Variants in KLHL1 observed in about 807,000 individuals in gnomAD.
KLHL1 encodes kelch like family member 1, also known as kelch-like protein 1.
A neutral mutation model predicts 77.7 loss-of-function variants in KLHL1; 47 were observed. That is an observed-to-expected ratio of 0.60 (90% CI 0.48 to 0.77). The LOEUF (loss-of-function observed/expected upper bound fraction) is 0.77, where lower values mean the gene tolerates loss of function less well. Among genes scored for constraint, KLHL1 ranks in the 30% least tolerant of loss-of-function variants. KLHL1 has a pLI of 0.00. For synonymous variants in KLHL1, 360 were observed against 325.2 expected (o/e 1.11, Z -1.15); for missense variants, 925 against 910.8 (o/e 1.02, Z -0.20).
At chr13:69,747,698 A>G (rs1287076783) in intron 7 of KLHL1, among the ~76,000 whole-genome samples, 2 of 151,994 alleles carry the variant, frequency 1.3e-5, no homozygotes, top group South Asian at 2.1e-4. Flanking sequence ...CATCTTTAGG[A>G]GAAAGTTTTA....
chr13:69,885,510 T>G (rs1156934671), intron 4 of KLHL1, among the ~76,000 whole-genome samples: 1 of 152,182 alleles, frequency 6.6e-6, no homozygotes, highest in African/African-American at 2.4e-5. Context: ...TTAATGATAC[T>G]TTGTTTATGG....
chr13:69,988,093 G>A (rs781075287), intron 1 of KLHL1, among the ~76,000 whole-genome samples: 2 of 150,860 alleles, frequency 1.3e-5, no homozygotes, highest in Middle Eastern at 3.2e-3. Context: ...TTTTTTTGGC[G>A]GGGGGAACCT....
At chr13:69,871,382 C>T (rs1036214349) in intron 5 of KLHL1, among the ~76,000 whole-genome samples, 3 of 152,120 alleles carry the variant, frequency 2.0e-5, no homozygotes, top group Admixed American at 2.0e-4. Context: ...ACTTTTCCCA[C>T]GATCTTGACT....
chr13:69,794,374 GAGTACTCAGATAAAAGAA>G (rs1221265111), intron 7 of KLHL1, among the ~76,000 whole-genome samples: 3 of 152,032 alleles, frequency 2.0e-5, no homozygotes, highest in Non-Finnish European at 2.9e-5. Context: ...CTGGCCACAT[GAGTACTCAGATAAAAGAA>G]TTATGTATTT....
intron 6 of KLHL1, among the ~76,000 whole-genome samples, chr13:69,818,219 C>CTTTTTTTATTTTTTTTTTTTTTTTTTTTT (rs1878197461): frequency 8.9e-6 from 1 of 112,912 alleles, no homozygotes; most frequent in Non-Finnish European, 1.8e-5. Context: ...TCATAGGCAT[C>CTTTTTTTATTTTTTTTTTTTTTTTTTTTT]TTTTTTTTTT....
intron 6 of KLHL1, among the ~76,000 whole-genome samples, chr13:69,816,019 TA>T (rs914372531): frequency 6.6e-4 from 100 of 151,350 alleles, no homozygotes; most frequent in African/African-American, 2.2e-3. Context: ...AACCTCAAAA[TA>T]AAAAAAATGC....
intron 4 of KLHL1, among the ~76,000 whole-genome samples, chr13:69,918,273 GCTT>G (rs1440640321): frequency 1.3e-5 from 2 of 151,508 alleles, no homozygotes; most frequent in Non-Finnish European, 2.9e-5. Context: ...TAATACTATA[GCTT>G]CTTTAGTTTT....
chr13:69,772,027 C>G (rs916256921), intron 7 of KLHL1, among the ~76,000 whole-genome samples: 1 of 152,104 alleles, frequency 6.6e-6, no homozygotes, highest in African/African-American at 2.4e-5. Context: ...TCTTGGCTCA[C>G]TGCAACCTCT....
intron 1 of KLHL1, among the ~76,000 whole-genome samples, chr13:70,002,883 A>G (rs924620070): frequency 1.3e-5 from 2 of 151,704 alleles, no homozygotes; most frequent in Non-Finnish European, 3.0e-5. Flanking sequence ...TACAAATTCC[A>G]GATGTCCAAA....
chr13:69,891,289 A>G (rs1194377477), intron 4 of KLHL1, among the ~76,000 whole-genome samples: 1 of 152,106 alleles, frequency 6.6e-6, no homozygotes, highest in Non-Finnish European at 1.5e-5. Context: ...CATAGTAACT[A>G]TATTTTTACA....
chr13:69,901,644 T>G (rs998109320), intron 4 of KLHL1, among the ~76,000 whole-genome samples: 1 of 152,158 alleles, frequency 6.6e-6, no homozygotes, highest in Admixed American at 6.5e-5. Context: ...GTGATCAAAT[T>G]TTTGAATGTT....
chr13:69,743,653 A>G (rs1405228252), intron 7 of KLHL1, among the ~76,000 whole-genome samples: 2 of 151,658 alleles, frequency 1.3e-5, no homozygotes, highest in Non-Finnish European at 2.9e-5. Context: ...GGGCATGGTG[A>G]TGCGTGCCTG....
At chr13:70,062,585 TATA>T (rs1886916977) in intron 1 of KLHL1, among the ~76,000 whole-genome samples, 1 of 152,164 alleles carries the variant, frequency 6.6e-6, no homozygotes. Context: ...GAGCTTAAAG[TATA>T]ATAAAATTAT....
intron 7 of KLHL1, among the ~76,000 whole-genome samples, chr13:69,772,696 T>A (rs1875630981): frequency 2.0e-5 from 3 of 152,208 alleles, no homozygotes. Context: ...TAAAGTATCT[T>A]GCAGGTAATA....
chr13:69,985,096 A>G (rs1277978219), intron 1 of KLHL1, among the ~76,000 whole-genome samples: 1 of 152,080 alleles, frequency 6.6e-6, no homozygotes, highest in East Asian at 1.9e-4. Flanking sequence ...TGGATGACAG[A>G]GCGAGACTCT....
intron 3 of KLHL1, among the ~76,000 whole-genome samples, chr13:69,955,532 T>C (rs979598334): frequency 1.3e-5 from 2 of 151,296 alleles, no homozygotes; most frequent in Admixed American, 6.6e-5. Flanking sequence ...CCTGACACTT[T>C]GTTAGTAACT....
At chr13:69,704,918 A>G (rs944560355) in intron 10 of KLHL1, among the ~76,000 whole-genome samples, 18 of 151,548 alleles carry the variant, frequency 1.2e-4, no homozygotes, top group Non-Finnish European at 2.7e-4. Context: ...TATATCTTAT[A>G]TATCTATTGT....
chr13:69,910,099 T>C (rs1593940174), intron 4 of KLHL1, among the ~76,000 whole-genome samples: 1 of 152,122 alleles, frequency 6.6e-6, no homozygotes, highest in Non-Finnish European at 1.5e-5. Flanking sequence ...TGGACTTCCC[T>C]GGCCTCCAAA....
intron 1 of KLHL1, among the ~76,000 whole-genome samples, chr13:70,050,053 AT>A (rs1886593123): frequency 6.6e-6 from 1 of 152,112 alleles, no homozygotes; most frequent in Admixed American, 6.5e-5. Context: ...CTGCCTTAAC[AT>A]TTTTTACTGT....
Sources: allele counts gnomAD v4.1 joint callset (sites outside exome capture counted in the v4.1 genomes callset), GRCh38; gene constraint gnomAD v4.1.1; transcripts MANE v1.5; gene names NCBI Gene and HGNC (gene_info 2026-07-23, HGNC 2026-07-21).